Variants in NEDD4 observed in about 807,000 individuals in gnomAD.
The protein encoded by NEDD4 is E3 ubiquitin-protein ligase NEDD4.
NEDD4 carries 99 observed loss-of-function variants against 144.9 expected under a neutral mutation model. The observed-to-expected ratio is 0.68, with a 90% CI of 0.58 to 0.81. The LOEUF (loss-of-function observed/expected upper bound fraction) is 0.81. NEDD4 is among the 30% of genes least tolerant of loss of function. The pLI is 0.00. For synonymous variants in NEDD4, 318 were observed against 350.6 expected (o/e 0.91, Z 1.04); for missense variants, 985 against 1,065.9 (o/e 0.92, Z 1.06).
rs767874914 is a variant in NEDD4, at chr15:55,923,645, C to CAAAAAA, written c.291+995_291+1000dup. 2.7e-3 allele frequency among the ~76,000 whole-genome samples: 329 copies of CAAAAAA among 123,258 alleles called. 3 individuals carry two copies. The highest frequency in any genetic ancestry group is 4.5e-3 in the Non-Finnish European group (273 of 60,384). 80.9% of individuals were successfully genotyped at this position (123,258 alleles called of 152,430 possible). A position where few individuals can be genotyped will look rare whatever the true frequency, so the allele number is the denominator to read the frequency against. ...CTGGCGACAAAGCGAGACTCCATCT[C>CAAAAAA]AAAAAAAAAAAAAAATATATATATA... On this transcript the variant is annotated intron_variant, in intron 5 of 28. Transcript: ENST00000435532.
intron 5 of NEDD4, among the ~76,000 whole-genome samples, chr15:55,920,524 A>G (rs752586740): frequency 6.6e-5 from 10 of 152,242 alleles, no homozygotes; most frequent in African/African-American, 2.4e-4. Context: ...ACAATATTTT[A>G]TAACACTCAA....
chr15:55,902,993 T>G (rs4640119), intron 5 of NEDD4, among the ~76,000 whole-genome samples: 5 of 151,760 alleles, frequency 3.3e-5, no homozygotes, highest in African/African-American at 1.2e-4. Context: ...AGAGCGAGAC[T>G]CCATCTCAAA....
intron 1 of NEDD4, among the ~76,000 whole-genome samples, chr15:55,974,738 C>A (rs1158640703): frequency 1.8e-5 from 2 of 109,338 alleles, no homozygotes; most frequent in Non-Finnish European, 1.9e-5. Flanking sequence ...AAAAAAAAAA[C>A]CCTCAAAAAC....
chr15:55,983,482 G>A (rs1287683690), intron 1 of NEDD4, among the ~76,000 whole-genome samples: 2 of 151,500 alleles, frequency 1.3e-5, no homozygotes, highest in Admixed American at 6.6e-5. Context: ...TTGCACATGT[G>A]GTTCTATTTA....
intron 7 of NEDD4, among the ~76,000 whole-genome samples, chr15:55,870,559 C>T (rs1290903739): frequency 6.9e-6 from 1 of 144,062 alleles, no homozygotes; most frequent in Non-Finnish European, 1.5e-5. Context: ...TTTGAGACAG[C>T]ATCTCCCTCT....
At position 55,875,096 on chromosome 15, in the gene NEDD4, T is replaced by TA. The variant is rs201653409; in HGVS notation, c.292-1089dup. ...AAAAATTACTAGACATGCAAAGAAA[T>TA]AAAAAAAAAAACCCAGTAGGAAGAG... On this transcript the variant is annotated intron_variant, in intron 5 of 28. Coordinates refer to ENST00000435532, the MANE Select transcript of NEDD4 (RefSeq NM_006154.4). Among the ~76,000 whole-genome samples, 767 of 127,518 alleles carry TA rather than the reference T, an allele frequency of 6.0e-3. 8 individuals are homozygous for TA. Among genetic ancestry groups the TA allele is most frequent in the East Asian group, 0.022 (96 of 4,352 alleles). The allele number at this position is 127,518 out of a possible 152,430, so 83.7% of individuals were successfully genotyped here.
chr15:55,902,636 C>A (rs58300472), intron 5 of NEDD4, among the ~76,000 whole-genome samples: 21,857 of 151,706 alleles, frequency 0.14, 1,724 homozygotes, highest in East Asian at 0.36. Context: ...TTTTCCCTAA[C>A]GAAAAGTTTT....
intron 11 of NEDD4, among the ~76,000 whole-genome samples, chr15:55,856,650 CCTT>C: frequency 6.6e-6 from 1 of 152,286 alleles, no homozygotes; most frequent in African/African-American, 2.4e-5. Flanking sequence ...CCAGTCCTGT[CCTT>C]CTGGAGCTGA....
chr15:55,834,619 C>T (rs1455895956), intron 24 of NEDD4, among the ~76,000 whole-genome samples: 1 of 152,078 alleles, frequency 6.6e-6, no homozygotes, highest in Non-Finnish European at 1.5e-5. Flanking sequence ...GGTGAAACAC[C>T]ATCTCTACAA....
chr15:55,900,325 G>GAAA (rs1461905900), intron 5 of NEDD4, among the ~76,000 whole-genome samples: 1 of 152,166 alleles, frequency 6.6e-6, no homozygotes, highest in African/African-American at 2.4e-5. Context: ...GCACTTTATA[G>GAAA]CTGCTTGGGA....
chr15:55,959,531 C>T (rs533164256), intron 2 of NEDD4, among the ~76,000 whole-genome samples: 38 of 152,312 alleles, frequency 2.5e-4, no homozygotes, highest in African/African-American at 8.7e-4. Context: ...ATTATCCCCA[C>T]CTCCTAATAT....
chr15:55,870,733 C>T (rs551087156), intron 7 of NEDD4, among the ~76,000 whole-genome samples: 2 of 152,086 alleles, frequency 1.3e-5, no homozygotes, highest in East Asian at 3.9e-4. Flanking sequence ...CAGGGTTTTG[C>T]CATGTTGCCC....
intron 5 of NEDD4, among the ~76,000 whole-genome samples, chr15:55,909,560 A>G (rs2036204779): frequency 6.6e-6 from 1 of 152,154 alleles, no homozygotes; most frequent in Non-Finnish European, 1.5e-5. Context: ...CTCAGCATTC[A>G]TTTGCTCCTT....
intron 1 of NEDD4, among the ~76,000 whole-genome samples, chr15:55,981,411 C>T (rs1008379737): frequency 6.6e-6 from 1 of 152,096 alleles, no homozygotes; most frequent in South Asian, 2.1e-4. Context: ...TTACGGTGAC[C>T]GTATTTTCCA....
intron 1 of NEDD4, among the ~76,000 whole-genome samples, chr15:55,974,409 T>G (rs1300758164): frequency 6.6e-6 from 1 of 152,142 alleles, no homozygotes; most frequent in Non-Finnish European, 1.5e-5. Flanking sequence ...CTTTCCATAC[T>G]GATTCTATAA....
chr15:55,941,182 T>G (rs2036996611), intron 4 of NEDD4, among the ~76,000 whole-genome samples: 1 of 152,164 alleles, frequency 6.6e-6, no homozygotes, highest in Admixed American at 6.5e-5. Flanking sequence ...TGAAGATCCA[T>G]CCTTGGTTTT....
Position 55,993,423 on chromosome 15 carries a change from C to T in NEDD4, c.45+88G>A, listed in dbSNP as rs919705592. The T allele has an allele frequency of 1.3e-5, 19 of 1,500,360 alleles. No individual in the cohort carries two copies. The African/African-American group carries it at 2.2e-4, about 17-fold the overall frequency. 92.9% of individuals were successfully genotyped at this position (1,500,360 alleles called of 1,614,324 possible). On this transcript the variant is annotated intron_variant, in intron 1 of 28. Coordinates refer to ENST00000435532, the MANE Select transcript of NEDD4 (RefSeq NM_006154.4). ...GAGGAGGGGCTGACAGCAGAGCCTC[C>T]GGTCGTGGCCGCCGCCGCTACCTCC...
chr15:55,942,671 G>T (rs1217677646), intron 4 of NEDD4, among the ~76,000 whole-genome samples: 3 of 152,142 alleles, frequency 2.0e-5, no homozygotes, highest in Middle Eastern at 3.2e-3. Flanking sequence ...TTTATAAACT[G>T]CTCAGTCTCA....
intron 5 of NEDD4, among the ~76,000 whole-genome samples, chr15:55,900,733 AT>A (rs1422271641): frequency 6.6e-6 from 1 of 152,236 alleles, no homozygotes; most frequent in African/African-American, 2.4e-5. Flanking sequence ...GAGTAACTAT[AT>A]AAATGTAAAA....
Sources: gnomAD v4.1 joint callset for allele counts (sites outside exome capture counted in the v4.1 genomes callset) on GRCh38, gnomAD v4.1.1 for gene constraint, MANE v1.5 for transcripts, NCBI Gene and HGNC (gene_info 2026-07-23, HGNC 2026-07-21) for gene names.